The following LRRC53 variants were observed in gnomAD, a reference collection of about 807,000 sequenced individuals.
The protein encoded by LRRC53 is leucine rich repeat containing 53.
A neutral mutation model predicts 13.6 loss-of-function variants in LRRC53; 25 were observed. The observed-to-expected ratio is 1.83, with a 90% CI of 1.34 to 2.56. The LOEUF is 2.56. Among genes scored for constraint, LRRC53 ranks in the 30% most tolerant of loss-of-function variants. The pLI, the probability that LRRC53 is intolerant of heterozygous loss-of-function variation, is 0.00. For synonymous variants in LRRC53, 204 were observed against 109.8 expected, an observed-to-expected ratio of 1.86 and a Z score of -5.37; for missense variants, 527 against 275.8, an observed-to-expected ratio of 1.91 and a Z score of -6.45.
the LRRC53 span, among the ~76,000 whole-genome samples, chr1:74,533,423 A>G: frequency 6.6e-6 from 1 of 152,190 alleles, no homozygotes; most frequent in Non-Finnish European, 1.5e-5. Context: ...CAGGTGCTGG[A>G]GAGGATGTGG....
intron 1 of LRRC53, among the ~76,000 whole-genome samples, chr1:74,485,925 G>A (rs1340792836): frequency 6.6e-6 from 1 of 152,112 alleles, no homozygotes; most frequent in East Asian, 1.9e-4. Context: ...CCTCAGATGA[G>A]AATCACAGTG....
intron 1 of LRRC53, among the ~76,000 whole-genome samples, chr1:74,503,276 T>G (rs1207994292): frequency 6.6e-6 from 1 of 152,200 alleles, no homozygotes; most frequent in East Asian, 1.9e-4. Context: ...TTTAGCTAAT[T>G]CTACTTAGAA....
chr1:74,501,783 G>A (rs968149257), intron 1 of LRRC53, among the ~76,000 whole-genome samples: 3 of 152,042 alleles, frequency 2.0e-5, no homozygotes, highest in East Asian at 1.9e-4. Context: ...CACCGCATCC[G>A]GCCAACTTGG....
At chr1:74,495,825 C>A (rs143682565) in intron 1 of LRRC53, among the ~76,000 whole-genome samples, 1 of 152,240 alleles carries the variant, frequency 6.6e-6, no homozygotes, top group African/African-American at 2.4e-5. Flanking sequence ...CTTCCAGTTT[C>A]TCCTGGAAGT....
chr1:74,528,164 G>T, the LRRC53 span, among the ~76,000 whole-genome samples: 89 of 152,274 alleles, frequency 5.8e-4, no homozygotes, highest in African/African-American at 2.0e-3. Context: ...GTGCCACTGT[G>T]GTTCCATGCA....
the LRRC53 span, among the ~76,000 whole-genome samples, chr1:74,526,464 C>T: frequency 5.9e-5 from 9 of 152,112 alleles, no homozygotes; most frequent in South Asian, 2.1e-4. Context: ...TCAAGTTCTA[C>T]GGTTCTTATA....
the LRRC53 span, among the ~76,000 whole-genome samples, chr1:74,535,353 C>T: frequency 6.6e-6 from 1 of 152,090 alleles, no homozygotes; most frequent in Non-Finnish European, 1.5e-5. Context: ...TGCCTGTAAT[C>T]CCAGCTACTC....
At chr1:74,488,199 G>T (rs1668865861) in intron 1 of LRRC53, among the ~76,000 whole-genome samples, 1 of 152,152 alleles carries the variant, frequency 6.6e-6, no homozygotes, top group African/African-American at 2.4e-5. Flanking sequence ...GTTTAGAGGA[G>T]AAACCATTTG....
At chr1:74,536,084 C>T in the LRRC53 span, among the ~76,000 whole-genome samples, 2 of 152,108 alleles carry the variant, frequency 1.3e-5, no homozygotes, top group African/African-American at 2.4e-5. Flanking sequence ...GAAGCTTTGC[C>T]TATAATGTAC....
At chr1:74,494,414 T>C (rs886558709) in intron 1 of LRRC53, among the ~76,000 whole-genome samples, 1 of 152,164 alleles carries the variant, frequency 6.6e-6, no homozygotes, top group Non-Finnish European at 1.5e-5. Context: ...GTCATGAAAT[T>C]AAGTATTAGT....
the LRRC53 span, among the ~76,000 whole-genome samples, chr1:74,536,037 A>G: frequency 6.6e-6 from 1 of 152,132 alleles, no homozygotes; most frequent in African/African-American, 2.4e-5. Flanking sequence ...TGTTTTTCTA[A>G]GAGTGCAGAA....
At chr1:74,529,845 C>T in the LRRC53 span, among the ~76,000 whole-genome samples, 5 of 152,328 alleles carry the variant, frequency 3.3e-5, no homozygotes, top group South Asian at 2.1e-4. Flanking sequence ...GCTTTGCTCT[C>T]TCCCTGGATG....
At chr1:74,532,373 C>A in the LRRC53 span, among the ~76,000 whole-genome samples, 1 of 152,118 alleles carries the variant, frequency 6.6e-6, no homozygotes, top group Non-Finnish European at 1.5e-5. Context: ...TAATCCAAAA[C>A]CCTTTAACTT....
At chr1:74,532,393 T>C in the LRRC53 span, among the ~76,000 whole-genome samples, 1 of 152,210 alleles carries the variant, frequency 6.6e-6, no homozygotes, top group Non-Finnish European at 1.5e-5. Flanking sequence ...TATTATCAGC[T>C]CTGTAATTCA....
Position 74,471,865 on chromosome 1 carries a change from A to C in LRRC53, c.1757T>G (p.Met586Arg). The change falls in exon 5 of 5, where the codon ATG (methionine) becomes AGG (arginine). Residue 586 changes from methionine (M) to arginine (R), a missense_variant. Coordinates refer to ENST00000294635, the MANE Select transcript of LRRC53 (RefSeq NM_001382280.1). ...YVPCEQFEDY[M>R]KEKKPNRRQH... is the part of the protein sequence containing the mutation. ...TCTACGATTTGGCTTCTTTTCTTTC[A>C]TGTAATCTTCAAATTGCTCACAGGG... 4.4e-6 allele frequency: 2 copies of C among 452,876 alleles called. No homozygotes were observed. Among genetic ancestry groups the C allele is most frequent in the East Asian group, 3.4e-5 (1 of 29,746 alleles). The allele number at this position is 452,876 out of a possible 1,614,324, so 28.1% of individuals were successfully genotyped here. A position where few individuals can be genotyped will look rare whatever the true frequency, so the allele number is the denominator to read the frequency against.
intron 1 of LRRC53, among the ~76,000 whole-genome samples, chr1:74,503,131 A>G (rs1669719037): frequency 1.3e-5 from 2 of 152,278 alleles, no homozygotes; most frequent in South Asian, 4.1e-4. Flanking sequence ...GAAAAAAACA[A>G]CAACAATCTT....
rs1370307039 is a variant in LRRC53 at position 74,483,241 on chromosome 1, TAG to T, written c.88+19_88+20del. ...TCCAGGTACACTGAGCACTGCTTTT[TAG>T]AGTTATTAGTTTTATTACCTACTAT... On this transcript the variant is annotated intron_variant, in intron 2 of 4. Coordinates refer to ENST00000294635, the MANE Select transcript of LRRC53 (RefSeq NM_001382280.1). 1 of 716,640 alleles carries T rather than the reference TAG, an allele frequency of 1.4e-6. No individual in the cohort carries two copies. The highest frequency in any genetic ancestry group is 2.6e-6 in the Non-Finnish European group (1 of 384,504). 44.4% of individuals were successfully genotyped at this position (716,640 alleles called of 1,614,324 possible).
intron 1 of LRRC53, among the ~76,000 whole-genome samples, chr1:74,509,357 TGAA>T (rs1217932538): frequency 2.6e-5 from 4 of 152,204 alleles, no homozygotes; most frequent in African/African-American, 7.2e-5. Flanking sequence ...CTATAATCCC[TGAA>T]AATAAAGCGA....
intron 1 of LRRC53, among the ~76,000 whole-genome samples, chr1:74,498,341 G>A (rs1211268540): frequency 6.6e-6 from 1 of 152,006 alleles, no homozygotes; most frequent in African/African-American, 2.4e-5. Context: ...TTTTCTGGGG[G>A]CTACCCCATC....
Sources: gnomAD v4.1 joint callset for allele counts (sites outside exome capture counted in the v4.1 genomes callset) on GRCh38, gnomAD v4.1.1 for gene constraint, MANE v1.5 for transcripts, NCBI Gene and HGNC (gene_info 2026-07-23, HGNC 2026-07-21) for gene names.